Variants in UTRN observed in about 807,000 individuals in gnomAD.
UTRN encodes utrophin.
A neutral mutation model predicts 463.9 loss-of-function variants in UTRN; 283 were observed. The observed-to-expected ratio is 0.61, with a 90% CI of 0.55 to 0.67. UTRN has a LOEUF of 0.67. Ranked by LOEUF, UTRN falls within the 30% of genes least tolerant of loss-of-function variation. The pLI is 0.00. For synonymous variants in UTRN, 1,442 were observed against 1,431.5 expected, an observed-to-expected ratio of 1.01 and a Z score of -0.17; for missense variants, 3,922 against 4,084.3, an observed-to-expected ratio of 0.96 and a Z score of 1.08.
intron 2 of UTRN, among the ~76,000 whole-genome samples, chr6:144,335,141 A>G (rs1241501398): frequency 6.6e-6 from 1 of 152,252 alleles, no homozygotes; most frequent in African/African-American, 2.4e-5. Context: ...TTTTATAGAT[A>G]GACAGATTTA....
At chr6:144,487,291 A>G (rs1308324236) in intron 28 of UTRN, among the ~76,000 whole-genome samples, 1 of 152,124 alleles carries the variant, frequency 6.6e-6, no homozygotes, top group Non-Finnish European at 1.5e-5. Context: ...TCACCCTCCC[A>G]TAATTAATAA....
chr6:144,639,196 ATAATTT>A (rs1376245652), intron 51 of UTRN, among the ~76,000 whole-genome samples: 1 of 152,198 alleles, frequency 6.6e-6, no homozygotes, highest in Non-Finnish European at 1.5e-5. Context: ...CAGATTTTAC[ATAATTT>A]TATCTTCCTG....
intron 23 of UTRN, among the ~76,000 whole-genome samples, chr6:144,471,227 G>T (rs192267441): frequency 1.2e-4 from 19 of 152,182 alleles, no homozygotes; most frequent in Admixed American, 7.2e-4. Flanking sequence ...TGGGAAGGAG[G>T]GAGGAGGGAA....
At chr6:144,430,538 T>C (rs1318630545) in intron 9 of UTRN, among the ~76,000 whole-genome samples, 1 of 152,202 alleles carries the variant, frequency 6.6e-6, no homozygotes, top group Non-Finnish European at 1.5e-5. Flanking sequence ...CTTCTCTGGA[T>C]GGACCTTAAA....
intron 2 of UTRN, among the ~76,000 whole-genome samples, chr6:144,345,485 G>T (rs1584369292): frequency 6.6e-6 from 1 of 152,050 alleles, no homozygotes; most frequent in Non-Finnish European, 1.5e-5. Flanking sequence ...GACCACTCTG[G>T]GCAACACAGG....
intron 41 of UTRN, among the ~76,000 whole-genome samples, chr6:144,526,028 C>T (rs1462317551): frequency 2.0e-5 from 3 of 152,098 alleles, no homozygotes; most frequent in Non-Finnish European, 2.9e-5. Flanking sequence ...CAATTTCATT[C>T]CACTGTGGTC....
intron 51 of UTRN, among the ~76,000 whole-genome samples, chr6:144,635,517 T>G (rs1562685689): frequency 1.2e-5 from 1 of 80,768 alleles, no homozygotes; most frequent in Non-Finnish European, 2.4e-5. Context: ...TTTTTTTCTT[T>G]TTTTTTTTTT....
At chr6:144,384,167 G>C (rs1439969706) in intron 2 of UTRN, among the ~76,000 whole-genome samples, 1 of 151,894 alleles carries the variant, frequency 6.6e-6, no homozygotes, top group Non-Finnish European at 1.5e-5. Context: ...TTCTTTTCTT[G>C]TTGAAAAACT....
At chr6:144,525,560 G>C (rs553674976) in intron 41 of UTRN, among the ~76,000 whole-genome samples, 1 of 151,854 alleles carries the variant, frequency 6.6e-6, no homozygotes, top group Non-Finnish European at 1.5e-5. Flanking sequence ...AACTGATTTG[G>C]ATCCTCTCTC....
chr6:144,376,323 C>T (rs769307699), intron 2 of UTRN, among the ~76,000 whole-genome samples: 4 of 152,020 alleles, frequency 2.6e-5, no homozygotes, highest in South Asian at 4.1e-4. Context: ...GGTGTGGTGG[C>T]GTGTGCCTGT....
intron 51 of UTRN, among the ~76,000 whole-genome samples, chr6:144,655,458 A>T (rs972227603): frequency 1.3e-5 from 2 of 152,260 alleles, no homozygotes; most frequent in African/African-American, 4.8e-5. Context: ...TTTCACAAGA[A>T]ATAAGTTGGA....
At chr6:144,760,684 A>G (rs1011543726) in intron 58 of UTRN, among the ~76,000 whole-genome samples, 1 of 152,220 alleles carries the variant, frequency 6.6e-6, no homozygotes, top group African/African-American at 2.4e-5. Context: ...ATGGAGAATG[A>G]AAAAGCTTTT....
At chr6:144,622,427 T>A (rs1184728578) in intron 51 of UTRN, among the ~76,000 whole-genome samples, 1 of 152,144 alleles carries the variant, frequency 6.6e-6, no homozygotes, top group East Asian at 1.9e-4. Flanking sequence ...CCGCAAGTGA[T>A]CTGCCTGCCT....
At chr6:144,743,046 T>C (rs1790279828) in intron 54 of UTRN, among the ~76,000 whole-genome samples, 1 of 152,166 alleles carries the variant, frequency 6.6e-6, no homozygotes, top group Non-Finnish European at 1.5e-5. Context: ...GGAAGAAAAA[T>C]GAAGTGAAAA....
intron 2 of UTRN, among the ~76,000 whole-genome samples, chr6:144,335,056 A>G (rs1286050223): frequency 6.6e-6 from 1 of 152,238 alleles, no homozygotes; most frequent in Non-Finnish European, 1.5e-5. Context: ...TAGTTCATTG[A>G]CAACCTCCAG....
rs1005976472 is a variant in UTRN at position 144,724,684 on chromosome 6, T to A, written c.7810-5673T>A. On this transcript the variant is annotated intron_variant, in intron 53 of 74. Transcript: ENST00000367545. ...GGGACATTGCATGGTAATGGAATCTTACACTATGCCCTTTCATGTCTAGCT... is the reference window on the plus strand; with the variant it reads ...GGGACATTGCATGGTAATGGAATCTAACACTATGCCCTTTCATGTCTAGCT... Among the ~76,000 whole-genome samples the A allele has an allele frequency of 2.0e-5, 3 of 152,202 alleles. No individual in the cohort carries two copies. The South Asian group carries it at 6.2e-4, about 31-fold the overall frequency.
intron 53 of UTRN, among the ~76,000 whole-genome samples, chr6:144,718,533 G>A (rs554462959): frequency 1.3e-5 from 2 of 152,284 alleles, no homozygotes; most frequent in Admixed American, 1.3e-4. Flanking sequence ...TGTCTCACCA[G>A]TGAAGTTAGT....
chr6:144,439,549 A>G (rs1786923265), intron 12 of UTRN, among the ~76,000 whole-genome samples: 1 of 152,088 alleles, frequency 6.6e-6, no homozygotes, highest in Non-Finnish European at 1.5e-5. Context: ...CTGGAGGGCA[A>G]TGGCAAAATC....
intron 54 of UTRN, among the ~76,000 whole-genome samples, chr6:144,732,276 A>ACG (rs1447266760): frequency 4.6e-4 from 40 of 87,380 alleles, no homozygotes; most frequent in African/African-American, 2.9e-3. Context: ...ATATATATAT[A>ACG]TACACACATA....
Sources: gnomAD v4.1 joint callset for allele counts (sites outside exome capture counted in the v4.1 genomes callset) on GRCh38, gnomAD v4.1.1 for gene constraint, MANE v1.5 for transcripts, NCBI Gene and HGNC (gene_info 2026-07-23, HGNC 2026-07-21) for gene names.